The following PDK1 variants were observed in gnomAD, a reference collection of about 807,000 sequenced individuals.
PDK1 encodes the protein [Pyruvate dehydrogenase (acetyl-transferring)] kinase isozyme 1, mitochondrial.
A neutral mutation model predicts 54.2 loss-of-function variants in PDK1; 39 were observed. The observed-to-expected ratio is 0.72, with a 90% CI of 0.56 to 0.94. The LOEUF (loss-of-function observed/expected upper bound fraction) is 0.94. Among genes scored for constraint, PDK1 ranks in the 40% least tolerant of loss-of-function variants. The pLI is 0.00. For missense variants in PDK1, 552 were observed against 566.0 expected (o/e 0.98, Z 0.25); for synonymous variants, 221 against 207.1 (o/e 1.07, Z -0.58).
chr2:172,717,824 T>C, the PDK1 span, among the ~76,000 whole-genome samples: 1 of 152,214 alleles, frequency 6.6e-6, no homozygotes, highest in Non-Finnish European at 1.5e-5. Context: ...GGGGCTTTTT[T>C]TGGTTGTCAA....
the PDK1 span, among the ~76,000 whole-genome samples, chr2:172,636,065 C>A: frequency 6.6e-6 from 1 of 152,204 alleles, no homozygotes; most frequent in South Asian, 2.1e-4. Context: ...GTAAGAAATT[C>A]TTCTTCCAGT....
the PDK1 span, among the ~76,000 whole-genome samples, chr2:172,655,529 G>C: frequency 1.3e-5 from 2 of 152,218 alleles, no homozygotes; most frequent in Non-Finnish European, 2.9e-5. Flanking sequence ...AGGTGAAAAA[G>C]TGCTAAGCCA....
At chr2:172,660,434 T>G in the PDK1 span, among the ~76,000 whole-genome samples, 26 of 151,500 alleles carry the variant, frequency 1.7e-4, no homozygotes, top group Non-Finnish European at 2.7e-4. Flanking sequence ...TTTTTTTGTA[T>G]TTTAGCAGAG....
rs1574541735 is a variant in PDK1, at chr2:172,596,159, C to T, written c.*190C>T. 1 of 462,420 alleles carries T rather than the reference C, an allele frequency of 2.2e-6. No homozygotes were observed. The highest frequency in any genetic ancestry group is 3.8e-6 in the Non-Finnish European group (1 of 260,616). 28.6% of individuals were successfully genotyped at this position (462,420 alleles called of 1,614,324 possible). A position where few individuals can be genotyped will look rare whatever the true frequency, so the allele number is the denominator to read the frequency against. ...AAAGGATGAAATTGCACCTATTTTA[C>T]ACTTATATTTTCACAGTTAATTGAA... On this transcript the variant is annotated 3_prime_UTR_variant, in exon 11 of 11. Coordinates refer to ENST00000282077, the MANE Select transcript of PDK1 (RefSeq NM_002610.5).
chr2:172,634,781 A>G, the PDK1 span, among the ~76,000 whole-genome samples: 2 of 152,044 alleles, frequency 1.3e-5, no homozygotes, highest in Non-Finnish European at 2.9e-5. Flanking sequence ...GCAAAAAAAA[A>G]AAAAAAAGAT....
chr2:172,645,732 G>A, the PDK1 span, among the ~76,000 whole-genome samples: 3 of 152,154 alleles, frequency 2.0e-5, no homozygotes, highest in African/African-American at 7.2e-5. Context: ...CATAGAGACT[G>A]GAGCAGTGGT....
intron 10 of PDK1, among the ~76,000 whole-genome samples, chr2:172,595,284 G>A (rs1217027440): frequency 6.6e-6 from 1 of 151,934 alleles, no homozygotes; most frequent in Non-Finnish European, 1.5e-5. Flanking sequence ...TGCCCAGGCT[G>A]GTCTCCAACT....
chr2:172,620,480 C>G, the PDK1 span, among the ~76,000 whole-genome samples: 1 of 152,066 alleles, frequency 6.6e-6, no homozygotes, highest in Non-Finnish European at 1.5e-5. Flanking sequence ...CCTCAGGGAA[C>G]CTAGGGTAAT....
chr2:172,562,816 A>G (rs775148553), intron 3 of PDK1: 11 of 1,610,556 alleles, frequency 6.8e-6, no homozygotes, highest in African/African-American at 1.3e-5. Flanking sequence ...TAATATGACA[A>G]TGTTAATAAC....
the PDK1 span, among the ~76,000 whole-genome samples, chr2:172,684,786 G>T: frequency 6.6e-6 from 1 of 152,114 alleles, no homozygotes; most frequent in African/African-American, 2.4e-5. Flanking sequence ...AATTGCTGAC[G>T]ATTTTGGCCT....
the PDK1 span, among the ~76,000 whole-genome samples, chr2:172,717,050 G>A: frequency 6.6e-6 from 1 of 152,184 alleles, no homozygotes; most frequent in South Asian, 2.1e-4. Context: ...CCAGTGATCT[G>A]CACTTCCTGT....
the PDK1 span, chr2:172,674,084 T>C: frequency 6.6e-6 from 1 of 152,242 alleles, no homozygotes; most frequent in African/African-American, 2.4e-5. Context: ...AACAATTTAT[T>C]GTGAGATGAT....
the PDK1 span, among the ~76,000 whole-genome samples, chr2:172,650,468 A>G: frequency 6.6e-6 from 1 of 152,198 alleles, no homozygotes; most frequent in African/African-American, 2.4e-5. Context: ...GACAGGATCA[A>G]ATTCACACAT....
At chr2:172,609,805 A>G (rs1691404528), downstream of PDK1, among the ~76,000 whole-genome samples, 1 of 152,144 alleles carries the variant, frequency 6.6e-6, no homozygotes, top group African/African-American at 2.4e-5. Flanking sequence ...AACTACAGAA[A>G]AAGCACTCAC....
At chr2:172,691,606 C>A in the PDK1 span, among the ~76,000 whole-genome samples, 1 of 152,168 alleles carries the variant, frequency 6.6e-6, no homozygotes, top group Admixed American at 6.5e-5. Context: ...AACCACTGAT[C>A]GTTTTGCTAT....
chr2:172,592,673 T>C (rs913926214), intron 9 of PDK1, among the ~76,000 whole-genome samples: 24 of 152,268 alleles, frequency 1.6e-4, no homozygotes, highest in Admixed American at 1.4e-3. Flanking sequence ...AAAAGCAATA[T>C]GCTTTTTCGA....
At chr2:172,571,204 T>C (rs1689235187) in intron 8 of PDK1, among the ~76,000 whole-genome samples, 1 of 152,172 alleles carries the variant, frequency 6.6e-6, no homozygotes, top group Non-Finnish European at 1.5e-5. Context: ...TTCATTTGAT[T>C]CTCATGACGT....
chr2:172,661,642 T>TA, the PDK1 span, among the ~76,000 whole-genome samples: 1 of 152,242 alleles, frequency 6.6e-6, no homozygotes, highest in African/African-American at 2.4e-5. Context: ...AAAATGAAAT[T>TA]ATGTCCTTTG....
Position 172,586,290 on chromosome 2 carries a change from G to A in PDK1, c.958G>A (p.Gly320Arg), listed in dbSNP as rs759281350. 1.2e-6 allele frequency: 2 copies of A among 1,609,194 alleles called. No individual in the cohort carries two copies. The highest frequency in any genetic ancestry group is 1.7e-6 in the Non-Finnish European group (2 of 1,175,662). The change falls in exon 9 of 11, where the codon GGA becomes AGA. Residue 320 changes from glycine to arginine, a missense_variant. By Grantham distance (125) the Gly-to-Arg change is moderately radical. Transcript: ENST00000282077. ...EDLTVKMSDRGGGVPLRKIDR... is the reference protein window; with the variant it reads ...EDLTVKMSDRRGGVPLRKIDR... ...TTTCTTACCTTAGATGAGTGACCGA[G>A]GAGGTGGCGTTCCTTTGAGGAAAAT...
Sources: allele counts gnomAD v4.1 joint callset (sites outside exome capture counted in the v4.1 genomes callset), GRCh38; gene constraint gnomAD v4.1.1; transcripts MANE v1.5; gene names NCBI Gene and HGNC (gene_info 2026-07-23, HGNC 2026-07-21).